Variants in CNOT6L observed in about 807,000 individuals in gnomAD.
CNOT6L encodes CCR4-NOT transcription complex subunit 6 like.
Under a neutral mutation model 64.0 loss-of-function variants are expected in CNOT6L, and 7 were observed. The ratio of observed to expected loss-of-function variants is 0.11; its 90% CI spans 0.06 to 0.21. CNOT6L has a LOEUF of 0.21. CNOT6L is among the 10% of genes least tolerant of loss of function. The pLI, the probability that CNOT6L is intolerant of heterozygous loss-of-function variation, is 1.00. For missense variants in CNOT6L, 245 were observed against 669.0 expected (o/e 0.37, Z 6.99); for synonymous variants, 193 against 243.4 (o/e 0.79, Z 1.93).
At chr4:77,787,634 C>A (rs1349318270) in intron 1 of CNOT6L, among the ~76,000 whole-genome samples, 1 of 152,154 alleles carries the variant, frequency 6.6e-6, no homozygotes, top group African/African-American at 2.4e-5. Flanking sequence ...TACTCAAACT[C>A]TTCCTTGAAA....
intron 8 of CNOT6L, among the ~76,000 whole-genome samples, chr4:77,738,753 CAAAA>C (rs33932934): frequency 3.5e-5 from 4 of 114,178 alleles, no homozygotes; most frequent in East Asian, 2.5e-4. Context: ...AACTCCGTCT[CAAAA>C]AAAAAAAAAA....
At chr4:77,729,193 T>A (rs1722176680) in intron 9 of CNOT6L, 112 bp from the exon 10 acceptor site, 1 of 744,642 alleles carries the variant, frequency 1.3e-6, no homozygotes, top group East Asian at 2.5e-5. Context: ...CTCTTTTCCA[T>A]GAATTTATAA....
In CNOT6L at chr4:77,768,048, A is replaced by G. The variant is rs573019061; in HGVS notation, c.400+5033T>C. Among the ~76,000 whole-genome samples the G allele has an allele frequency of 9.1e-4, 139 of 152,274 alleles. 1 individual carries two copies. The highest frequency in any genetic ancestry group is 3.2e-3 in the African/African-American group (134 of 41,562). On this transcript the variant is annotated intron_variant, in intron 4 of 11. Coordinates refer to ENST00000504123, the MANE Select transcript of CNOT6L (RefSeq NM_144571.3). ...AATTAACTGCGAAGAGCAAAACCTC[A>G]AAACCTTTAAGATGATACAAGAGAA...
chr4:77,745,767 T>C (rs922915972), intron 6 of CNOT6L, among the ~76,000 whole-genome samples: 1 of 152,196 alleles, frequency 6.6e-6, no homozygotes, highest in African/African-American at 2.4e-5. Context: ...ATTCGTATTT[T>C]TAAAAAGGAT....
intron 1 of CNOT6L, among the ~76,000 whole-genome samples, chr4:77,789,992 CTGCT>C (rs1290171800): frequency 6.1e-5 from 9 of 147,772 alleles, no homozygotes; most frequent in Non-Finnish European, 1.3e-4. Context: ...TCATTCCCAT[CTGCT>C]TAATACAACA....
rs994433955 is a variant in CNOT6L at position 77,716,910 on chromosome 4, G to C, written c.*3521C>G. Reference sequence around the variant, plus strand: ...TTGGAACAAGGCAAATGGGAGGGGAGGAAAAGCTGGTCTCAGAACCCATTG... The same window carrying C: ...TTGGAACAAGGCAAATGGGAGGGGACGAAAAGCTGGTCTCAGAACCCATTG... On this transcript the variant is annotated 3_prime_UTR_variant, in exon 12 of 12. Coordinates refer to ENST00000504123, the MANE Select transcript of CNOT6L (RefSeq NM_144571.3). 6.6e-6 allele frequency: 1 copy of C among 152,452 alleles called. No homozygotes were observed. Among genetic ancestry groups the C allele is most frequent in the Non-Finnish European group, 1.5e-5 (1 of 67,990 alleles). The allele number at this position is 152,452 out of a possible 1,614,324, so 9.4% of individuals were successfully genotyped here.
chr4:77,802,798 T>C (rs1470439546), intron 1 of CNOT6L, among the ~76,000 whole-genome samples: 3 of 152,202 alleles, frequency 2.0e-5, no homozygotes, highest in African/African-American at 7.2e-5. Context: ...ACCTCACAGC[T>C]AGTAAGTGGC....
chr4:77,773,019 T>TA, intron 4 of CNOT6L, 62 bp downstream of exon 4: 1 of 1,072,052 alleles, frequency 9.3e-7, no homozygotes, highest in Non-Finnish European at 1.4e-6. Context: ...TTGACCTTTT[T>TA]AAAGGCCAAA....
chr4:77,768,643 T>C (rs115809504), intron 4 of CNOT6L, among the ~76,000 whole-genome samples: 57 of 150,648 alleles, frequency 3.8e-4, no homozygotes, highest in African/African-American at 1.4e-3. Flanking sequence ...AAATAGAAAA[T>C]AGGCTAAAAA....
In CNOT6L at chr4:77,716,226, A is replaced by G. The variant is rs935787034; in HGVS notation, c.*4205T>C. On this transcript the variant is annotated 3_prime_UTR_variant, in exon 12 of 12. Transcript: ENST00000504123. ...GAGTGCTATTTTGAAAATGTGCCAT[A>G]AAGTCTTTGCTTGCTATAAAAACCA... The G allele has an allele frequency of 6.6e-6, 1 of 152,122 alleles. No homozygotes were observed. Among genetic ancestry groups the G allele is most frequent in the Non-Finnish European group, 1.5e-5 (1 of 67,996 alleles). 9.4% of individuals were successfully genotyped at this position (152,122 alleles called of 1,614,324 possible).
chr4:77,773,489 C>A (rs1038934537), intron 3 of CNOT6L, among the ~76,000 whole-genome samples: 1 of 152,100 alleles, frequency 6.6e-6, no homozygotes, highest in South Asian at 2.1e-4. Flanking sequence ...AATGCAAATG[C>A]GACAGATATC....
chr4:77,766,907 A>G (rs1268719706), intron 4 of CNOT6L, among the ~76,000 whole-genome samples: 1 of 151,630 alleles, frequency 6.6e-6, no homozygotes, highest in Non-Finnish European at 1.5e-5. Flanking sequence ...TACCAAAAAC[A>G]CAAAAATTAC....
chr4:77,767,114 T>TG (rs1553892005), intron 4 of CNOT6L, among the ~76,000 whole-genome samples: 2 of 122,016 alleles, frequency 1.6e-5, no homozygotes, highest in African/African-American at 6.4e-5. Flanking sequence ...TGGTTTACAA[T>TG]AAAAAAAAAA....
chr4:77,791,484 T>C (rs1397883688), intron 1 of CNOT6L, among the ~76,000 whole-genome samples: 1 of 152,160 alleles, frequency 6.6e-6, no homozygotes, highest in Admixed American at 6.5e-5. Context: ...TTAAGAATAC[T>C]TACAGATTCA....
chr4:77,818,877 G>A (rs961297802), intron 1 of CNOT6L: 1 of 304,468 alleles, frequency 3.3e-6, no homozygotes, highest in Non-Finnish European at 6.2e-6. Flanking sequence ...CGGGATCAGC[G>A]GCGCGGCACC....
chr4:77,790,375 T>C (rs1237141785), intron 1 of CNOT6L, among the ~76,000 whole-genome samples: 3 of 152,248 alleles, frequency 2.0e-5, no homozygotes, highest in African/African-American at 7.2e-5. Context: ...TAAACATTCA[T>C]GTGCAGGTTT....
At chr4:77,799,666 T>G (rs866569684) in intron 1 of CNOT6L, among the ~76,000 whole-genome samples, 4 of 139,438 alleles carry the variant, frequency 2.9e-5, no homozygotes, top group South Asian at 4.4e-4. Context: ...ATTGTGCCAT[T>G]GCACTCCAGC....
At chr4:77,736,077 C>A (rs1008847554) in intron 8 of CNOT6L, among the ~76,000 whole-genome samples, 2 of 152,034 alleles carry the variant, frequency 1.3e-5, no homozygotes, top group Non-Finnish European at 2.9e-5. Flanking sequence ...CTTCTTTTTA[C>A]TGTCATGGTT....
At chr4:77,751,283 A>G (rs1724837730) in intron 5 of CNOT6L, among the ~76,000 whole-genome samples, 1 of 152,220 alleles carries the variant, frequency 6.6e-6, no homozygotes, top group Non-Finnish European at 1.5e-5. Flanking sequence ...ACAATAATAA[A>G]GATGCCAAAA....
Sources: allele counts gnomAD v4.1 joint callset (sites outside exome capture counted in the v4.1 genomes callset), GRCh38; gene constraint gnomAD v4.1.1; transcripts MANE v1.5; gene names NCBI Gene and HGNC (gene_info 2026-07-23, HGNC 2026-07-21).